Variants in NCAM2 observed in about 807,000 individuals in gnomAD.
The protein encoded by NCAM2 is neural cell adhesion molecule 2.
In NCAM2, 30 loss-of-function variants were observed where a neutral mutation model predicts 98.1. That is an observed-to-expected ratio of 0.31 (90% CI 0.23 to 0.41). The LOEUF (loss-of-function observed/expected upper bound fraction) is 0.41, where lower values mean the gene tolerates loss of function less well. Ranked by LOEUF, NCAM2 falls within the 10% of genes least tolerant of loss-of-function variation. The pLI, the probability that NCAM2 is intolerant of heterozygous loss-of-function variation, is 1.00. For synonymous variants in NCAM2, 368 were observed against 342.4 expected (o/e 1.07, Z -0.83); for missense variants, 867 against 1,005.8 (o/e 0.86, Z 1.87).
chr21:21,262,271 C>G (rs181109026), intron 1 of NCAM2, among the ~76,000 whole-genome samples: 1 of 152,174 alleles, frequency 6.6e-6, no homozygotes, highest in Admixed American at 6.6e-5. Flanking sequence ...CACATTCTAC[C>G]AGATGTACAA....
Position 21,034,052 on chromosome 21 carries a change from A to AGG in NCAM2, c.55+35443_55+35444dup, listed in dbSNP as rs367633725. 1.4e-3 allele frequency among the ~76,000 whole-genome samples: 203 copies of AGG among 142,302 alleles called. 3 individuals are homozygous for AGG. The highest frequency in any genetic ancestry group is 0.013 in the South Asian group (55 of 4,090). The allele number at this position is 142,302 out of a possible 152,430, so 93.4% of individuals were successfully genotyped here. On this transcript the variant is annotated intron_variant, in intron 1 of 17. Coordinates refer to ENST00000400546, the MANE Select transcript of NCAM2 (RefSeq NM_004540.5). The stretch of plus-strand genomic sequence containing the variant: ...AGGTTGTGAGATAAGAGATAGGCAA[A>AGG]GGGGGGGGGGAAACAAAGATTGAGA...
At chr21:21,257,894 G>T (rs1207338597) in intron 1 of NCAM2, among the ~76,000 whole-genome samples, 1 of 152,116 alleles carries the variant, frequency 6.6e-6, no homozygotes, top group African/African-American at 2.4e-5. Context: ...AATGTTGATT[G>T]TTATGTGATT....
At chr21:21,310,295 A>G (rs770597322) in intron 5 of NCAM2, among the ~76,000 whole-genome samples, 2 of 152,212 alleles carry the variant, frequency 1.3e-5, no homozygotes, top group African/African-American at 2.4e-5. Flanking sequence ...AATATGTAGC[A>G]CTATGAACTG....
At chr21:21,308,070 T>C (rs80207517) in intron 5 of NCAM2, among the ~76,000 whole-genome samples, 5 of 150,970 alleles carry the variant, frequency 3.3e-5, no homozygotes, top group Admixed American at 2.6e-4. Flanking sequence ...CATACACACA[T>C]ACACACACAC....
intron 1 of NCAM2, among the ~76,000 whole-genome samples, chr21:21,219,767 G>A (rs1365004787): frequency 6.6e-6 from 1 of 152,168 alleles, no homozygotes; most frequent in East Asian, 1.9e-4. Context: ...ATTTCAGATG[G>A]CAGTTACCAT....
At chr21:21,138,705 G>A (rs1489914505) in intron 1 of NCAM2, among the ~76,000 whole-genome samples, 7 of 152,008 alleles carry the variant, frequency 4.6e-5, no homozygotes, top group Non-Finnish European at 2.9e-5. Flanking sequence ...TAAATAATTA[G>A]TGTATTTTGA....
chr21:21,489,168 T>C (rs1602486309), intron 15 of NCAM2, among the ~76,000 whole-genome samples: 1 of 152,044 alleles, frequency 6.6e-6, no homozygotes, highest in East Asian at 2.0e-4. Flanking sequence ...GCTAATTTTG[T>C]ATTTTTAGTA....
intron 1 of NCAM2, among the ~76,000 whole-genome samples, chr21:21,130,447 A>G (rs1166681633): frequency 6.6e-6 from 1 of 152,148 alleles, no homozygotes. Context: ...TACGTGCATC[A>G]ATCTCCCAAA....
chr21:21,224,139 A>G (rs990178237), intron 1 of NCAM2, among the ~76,000 whole-genome samples: 1 of 152,200 alleles, frequency 6.6e-6, no homozygotes, highest in Non-Finnish European at 1.5e-5. Context: ...ACAGAATGTT[A>G]AAGACAAAAT....
chr21:21,480,671 G>T (rs1410583574), intron 15 of NCAM2, among the ~76,000 whole-genome samples: 2 of 152,180 alleles, frequency 1.3e-5, no homozygotes, highest in Non-Finnish European at 2.9e-5. Context: ...AAGCAGAAAA[G>T]TTGTATGAAG....
chr21:21,217,981 T>C (rs2069975761), intron 1 of NCAM2, among the ~76,000 whole-genome samples: 1 of 152,126 alleles, frequency 6.6e-6, no homozygotes, highest in South Asian at 2.1e-4. Flanking sequence ...CCATAGAATC[T>C]CCAGAATGAA....
At chr21:21,279,279 C>G (rs956406586) in intron 1 of NCAM2, among the ~76,000 whole-genome samples, 1 of 152,200 alleles carries the variant, frequency 6.6e-6, no homozygotes, top group Non-Finnish European at 1.5e-5. Flanking sequence ...CTTGTAATCT[C>G]CCTTCACCAT....
rs1455348953 is a variant in NCAM2, at chr21:21,219,955, TA to T, written c.56-60619del. On this transcript the variant is annotated intron_variant, in intron 1 of 17. Coordinates refer to ENST00000400546, the MANE Select transcript of NCAM2 (RefSeq NM_004540.5). ...TAAAACAGTTAAACCAAAAGAACTT[TA>T]AAAGTAGAAAAAAGCTTATAGAATA... Among the ~76,000 whole-genome samples the T allele has an allele frequency of 3.9e-5, 6 of 151,934 alleles. No individual in the cohort carries two copies. In the South Asian group the frequency reaches 6.2e-4, roughly 16 times the overall value.
At chr21:21,350,194 C>G (rs2075297744) in intron 8 of NCAM2, among the ~76,000 whole-genome samples, 4 of 151,870 alleles carry the variant, frequency 2.6e-5, no homozygotes, top group Non-Finnish European at 5.9e-5. Context: ...CATACACCTA[C>G]TATGTACCCC....
intron 16 of NCAM2, among the ~76,000 whole-genome samples, chr21:21,522,921 G>A (rs554249740): frequency 6.6e-6 from 1 of 152,206 alleles, no homozygotes; most frequent in Non-Finnish European, 1.5e-5. Flanking sequence ...ACTGTGCCTG[G>A]CCCTGAACAA....
At chr21:21,310,961 T>C (rs1202844166) in intron 5 of NCAM2, among the ~76,000 whole-genome samples, 3 of 152,200 alleles carry the variant, frequency 2.0e-5, no homozygotes, top group Non-Finnish European at 4.4e-5. Context: ...GACCTACTTC[T>C]CAGGAAATAT....
chr21:21,338,319 A>G, intron 7 of NCAM2, 70 bp from the exon 8 acceptor site: 2 of 1,414,784 alleles, frequency 1.4e-6, no homozygotes, highest in Admixed American at 1.8e-5. Flanking sequence ...TTAAACACCC[A>G]TCATGACTTT....
At chr21:21,418,804 G>C (rs933173222) in intron 11 of NCAM2, among the ~76,000 whole-genome samples, 1 of 152,064 alleles carries the variant, frequency 6.6e-6, no homozygotes, top group Non-Finnish European at 1.5e-5. Context: ...AAGATATGCT[G>C]TTCAGTGGTA....
intron 1 of NCAM2, among the ~76,000 whole-genome samples, chr21:21,143,954 T>C (rs1038118190): frequency 6.6e-6 from 1 of 152,132 alleles, no homozygotes; most frequent in African/African-American, 2.4e-5. Context: ...AAACTCAATG[T>C]GTTATTTGTT....
Sources: allele counts gnomAD v4.1 joint callset (sites outside exome capture counted in the v4.1 genomes callset), GRCh38; gene constraint gnomAD v4.1.1; transcripts MANE v1.5; gene names NCBI Gene and HGNC (gene_info 2026-07-23, HGNC 2026-07-21).